The following TBC1D9 variants were observed in gnomAD, a reference collection of about 807,000 sequenced individuals.
TBC1D9 encodes the protein TBC1 domain family member 9A.
TBC1D9 carries 63 observed loss-of-function variants against 132.0 expected under a neutral mutation model. That is an observed-to-expected ratio of 0.48 (90% CI 0.39 to 0.59). TBC1D9 has a LOEUF of 0.59. Among genes scored for constraint, TBC1D9 ranks in the 20% least tolerant of loss-of-function variants. The pLI is 0.00. For missense variants in TBC1D9, 1,261 were observed against 1,592.7 expected (o/e 0.79, Z 3.54); for synonymous variants, 610 against 609.9 (o/e 1.00, Z 0.00).
intron 15 of TBC1D9, among the ~76,000 whole-genome samples, chr4:140,634,623 C>A (rs1009380985): frequency 1.3e-5 from 2 of 152,144 alleles, no homozygotes; most frequent in Non-Finnish European, 2.9e-5. Context: ...ATGGTAAAAT[C>A]CAGACTTTAT....
chr4:140,703,411 G>C (rs190968082), intron 1 of TBC1D9, among the ~76,000 whole-genome samples: 1 of 152,198 alleles, frequency 6.6e-6, no homozygotes, highest in Non-Finnish European at 1.5e-5. Flanking sequence ...GCATCCTGGT[G>C]TCACGGAAGG....
intron 9 of TBC1D9, among the ~76,000 whole-genome samples, chr4:140,666,405 G>A (rs1225454414): frequency 2.0e-5 from 3 of 152,060 alleles, no homozygotes; most frequent in African/African-American, 2.4e-5. Context: ...GCGCTATCTC[G>A]GCTCACTGCA....
At position 140,755,928 on chromosome 4, in the gene TBC1D9, CG is replaced by C; in HGVS notation, c.117del (p.Gly40AlafsTer76). On this transcript the variant is annotated frameshift_variant, in exon 1 of 21. Transcript: ENST00000442267. LOFTEE classifies it high-confidence loss of function. Reference sequence around the variant, plus strand: ...CCACGGTCCTTACCCGCCAGTCCGCCGCCGCCGCCTCCATCGCCGGCGTGGC... The same window carrying C: ...CCACGGTCCTTACCCGCCAGTCCGCCCCGCCGCCTCCATCGCCGGCGTGGC... ...RKGHAGDGGGGGGLAGLLVGT... is the reference protein window; with the variant it reads ...RKGHAGDGGGXGGLAGLLVGT... The C allele has an allele frequency of 6.3e-7, 1 of 1,575,100 alleles. No individual in the cohort carries two copies. The highest frequency in any genetic ancestry group is 1.2e-5 in the South Asian group (1 of 86,284).
At chr4:140,725,037 C>A (rs1229439716) in intron 1 of TBC1D9, among the ~76,000 whole-genome samples, 1 of 152,116 alleles carries the variant, frequency 6.6e-6, no homozygotes, top group East Asian at 1.9e-4. Context: ...ATACCAATGG[C>A]CCTACGATTT....
At position 140,755,792 on chromosome 4, in the gene TBC1D9, G is replaced by A. The variant is rs1739002385; in HGVS notation, c.130+124C>T. On this transcript the variant is annotated intron_variant, in intron 1 of 20. Transcript: ENST00000442267. ...CGACTCTCGATGCCTCGCATACAACGAGGCAGGGCGGGTCGCCCAGCCCCA... is the reference window on the plus strand; with the variant it reads ...CGACTCTCGATGCCTCGCATACAACAAGGCAGGGCGGGTCGCCCAGCCCCA... 6 of 1,346,384 alleles carry A rather than the reference G, an allele frequency of 4.5e-6. No homozygotes were observed. In the East Asian group the frequency reaches 1.5e-4, roughly 35 times the overall value. The allele number at this position is 1,346,384 out of a possible 1,614,324, so 83.4% of individuals were successfully genotyped here. A position where few individuals can be genotyped will look rare whatever the true frequency, so the allele number is the denominator to read the frequency against.
chr4:140,718,823 A>C (rs2111056196), intron 1 of TBC1D9, among the ~76,000 whole-genome samples: 1 of 152,302 alleles, frequency 6.6e-6, no homozygotes. Flanking sequence ...TCACACCCGT[A>C]ATCCCAGCAC....
chr4:140,657,512 G>A lies in TBC1D9; in HGVS notation c.2207+15C>T. 6.2e-7 allele frequency: 1 copy of A among 1,603,210 alleles called. No individual in the cohort carries two copies. Among genetic ancestry groups the A allele is most frequent in the South Asian group, 1.1e-5 (1 of 89,162 alleles). On this transcript the variant is annotated intron_variant, in intron 12 of 20. Transcript: ENST00000442267. ...AAACCGGAGATGGTTTTCAAAGTTAGGCTTAGTACAATACCTTCCCAAAAC... is the reference window on the plus strand; with the variant it reads ...AAACCGGAGATGGTTTTCAAAGTTAAGCTTAGTACAATACCTTCCCAAAAC...
At chr4:140,663,717 G>A (rs1250572735) in intron 9 of TBC1D9, among the ~76,000 whole-genome samples, 1 of 152,076 alleles carries the variant, frequency 6.6e-6, no homozygotes, top group Non-Finnish European at 1.5e-5. Flanking sequence ...CCTATAAGAG[G>A]GGAAGTCCTA....
rs544435204 is a variant in TBC1D9, at chr4:140,628,836, A to T, written c.2747-471T>A. Among the ~76,000 whole-genome samples, 3 of 152,312 alleles carry T rather than the reference A, an allele frequency of 2.0e-5. No individual in the cohort carries two copies. The South Asian group carries it at 6.2e-4, about 32-fold the overall frequency. ...GTTTTGATATCACTTCAAATTACTC[A>T]TTCTAGAAATCCTTTTTAATTGTTT... On this transcript the variant is annotated intron_variant, in intron 16 of 20. Transcript: ENST00000442267.
chr4:140,715,778 A>C (rs543505598), intron 1 of TBC1D9: 1 of 152,330 alleles, frequency 6.6e-6, no homozygotes, highest in African/African-American at 2.4e-5. Flanking sequence ...CTCCACCTGC[A>C]TTCCATTTCT....
In TBC1D9 at chr4:140,622,322, G is replaced by A. The variant is rs1037137575; in HGVS notation, c.3674C>T (p.Ala1225Val). The change falls in exon 21 of 21, where the codon GCC (alanine) becomes GTC (valine). Residue 1225 changes from alanine to valine, a missense_variant. By Grantham distance (64) the Ala-to-Val change is moderately conservative. Transcript: ENST00000442267. ...QFLASLLTEP[A>V]LVKYFDKPVC... ...GGGCTTGTCAAAGTACTTGACCAGG[G>A]CAGGCTCAGTTAAGAGGGAGGCCAG... 6.2e-7 allele frequency: 1 copy of A among 1,613,802 alleles called. No homozygotes were observed. The highest frequency in any genetic ancestry group is 8.5e-7 in the Non-Finnish European group (1 of 1,179,710).
In TBC1D9 at chr4:140,747,359, AAG is replaced by A. The variant is rs1200523131; in HGVS notation, c.130+8555_130+8556del. Reference sequence around the variant, plus strand: ...AGAGAGAGACTCTGTCAAAAAAAAAAAGAATAATAAATACAAAATCAAATAGG... The same window carrying A: ...AGAGAGAGACTCTGTCAAAAAAAAAAAATAATAAATACAAAATCAAATAGG... On this transcript the variant is annotated intron_variant, in intron 1 of 20. Transcript: ENST00000442267. 2.0e-5 allele frequency among the ~76,000 whole-genome samples: 3 copies of A among 152,062 alleles called. No homozygotes were observed. The East Asian group carries it at 5.8e-4, about 29-fold the overall frequency.
chr4:140,661,175 A>C (rs917098907), intron 10 of TBC1D9, among the ~76,000 whole-genome samples: 1 of 152,086 alleles, frequency 6.6e-6, no homozygotes. Context: ...TGGCTTACCA[A>C]AGTGTTGGGA....
At chr4:140,701,678 G>C in intron 1 of TBC1D9, 64 bp from the exon 2 acceptor site, 1 of 1,289,648 alleles carries the variant, frequency 7.8e-7, no homozygotes, top group Middle Eastern at 2.1e-4. Context: ...CATTCCCAGG[G>C]GCAGCATGAA....
intron 1 of TBC1D9, among the ~76,000 whole-genome samples, chr4:140,712,748 A>ATAGATAGATAG (rs1491286373): frequency 3.4e-5 from 5 of 146,260 alleles, no homozygotes; most frequent in African/African-American, 1.3e-4. Context: ...ATCTCAAAAA[A>ATAGATAGATAG]ATAGATAGAT....
chr4:140,748,152 CAA>C (rs1738865861), intron 1 of TBC1D9, among the ~76,000 whole-genome samples: 2 of 151,814 alleles, frequency 1.3e-5, no homozygotes, highest in African/African-American at 2.4e-5. Context: ...CATACTTGCT[CAA>C]AAGAGACAAA....
At chr4:140,691,412 A>T (rs568088141) in intron 2 of TBC1D9, among the ~76,000 whole-genome samples, 1 of 152,348 alleles carries the variant, frequency 6.6e-6, no homozygotes, top group East Asian at 1.9e-4. Context: ...AGAACTTATT[A>T]AAGTGAGATA....
rs774641589 is a variant in TBC1D9, at chr4:140,662,039, A to G, written c.1657T>C (p.Tyr553His). 6.2e-7 allele frequency: 1 copy of G among 1,613,962 alleles called. No homozygotes were observed. Among genetic ancestry groups the G allele is most frequent in the East Asian group, 2.2e-5 (1 of 44,870 alleles). The part of the protein sequence containing the change: ...EDLVEKSMGK[Y>H]NLATEEIERD... ...TCAATCTCCTCCGTGGCGAGATTAT[A>G]CTTCCCCATGGACTTCTCCACTAGG... The change falls in exon 10 of 21, where the codon TAT (tyrosine) becomes CAT (histidine). Residue 553 changes from tyrosine (Y) to histidine (H), a missense_variant. Around this residue, in one of 3 missense-constraint regions of TBC1D9, gnomAD observed 550 missense variants for 699.0 expected, o/e 0.79. Transcript: ENST00000442267.
chr4:140,740,026 T>C (rs1195315443), intron 1 of TBC1D9, among the ~76,000 whole-genome samples: 1 of 151,990 alleles, frequency 6.6e-6, no homozygotes, highest in East Asian at 1.9e-4. Flanking sequence ...AAGGTAGGAG[T>C]GGAGGTACAG....
Sources: gnomAD v4.1 joint callset for allele counts (sites outside exome capture counted in the v4.1 genomes callset) on GRCh38, gnomAD v4.1.1 for gene constraint, gnomAD v4.1.1 regional missense constraint, MANE v1.5 for transcripts, NCBI Gene and HGNC (gene_info 2026-07-23, HGNC 2026-07-21) for gene names.